SGCG: variants seen among roughly 807,000 people sequenced by gnomAD.
SGCG encodes the protein gamma-sarcoglycan.
Under a neutral mutation model 29.3 loss-of-function variants are expected in SGCG, and 26 were observed. The ratio of observed to expected loss-of-function variants is 0.89; its 90% CI spans 0.65 to 1.23. The LOEUF (loss-of-function observed/expected upper bound fraction) is 1.23, where lower values mean the gene tolerates loss of function less well. Ranked by LOEUF, SGCG falls within the 50% of genes most tolerant of loss-of-function variation. The pLI, the probability that SGCG is intolerant of heterozygous loss-of-function variation, is 0.00. For synonymous variants in SGCG, 145 were observed against 129.7 expected (o/e 1.12, Z -0.80); for missense variants, 353 against 356.0 (o/e 0.99, Z 0.07).
intron 1 of SGCG, among the ~76,000 whole-genome samples, chr13:23,200,517 T>A (rs1877700838): frequency 1.3e-5 from 2 of 152,228 alleles, no homozygotes; most frequent in African/African-American, 2.4e-5. Flanking sequence ...ACATACTACA[T>A]GCTGGCTGCT....
At chr13:23,179,788 A>T (rs1187583074), upstream of SGCG, among the ~76,000 whole-genome samples, 2 of 152,230 alleles carry the variant, frequency 1.3e-5, no homozygotes, top group Non-Finnish European at 2.9e-5. Context: ...GGTAGAGTAT[A>T]AATAAGCAGA....
intron 2 of SGCG, among the ~76,000 whole-genome samples, chr13:23,229,105 G>C (rs1376450160): frequency 1.3e-5 from 2 of 152,132 alleles, no homozygotes; most frequent in Non-Finnish European, 2.9e-5. Context: ...CCTAACCTCA[G>C]ATGATCCACC....
At chr13:23,234,770 C>A in intron 3 of SGCG, 58 bp downstream of exon 3, 3 of 1,167,390 alleles carry the variant, frequency 2.6e-6, no homozygotes, top group Non-Finnish European at 3.9e-6. Context: ...CATGTTTAAG[C>A]ACAAAAATTC....
chr13:23,307,117 A>G (rs1882388334), intron 6 of SGCG, among the ~76,000 whole-genome samples: 1 of 152,242 alleles, frequency 6.6e-6, no homozygotes, highest in South Asian at 2.1e-4. Flanking sequence ...TTAACAAGTA[A>G]GATGCAAAAT....
chr13:23,169,331 A>G, the SGCG span, among the ~76,000 whole-genome samples: 5 of 150,788 alleles, frequency 3.3e-5, no homozygotes, highest in Non-Finnish European at 5.9e-5. Context: ...TTCTGGTTGC[A>G]TTCTCCCTCA....
intron 1 of SGCG, among the ~76,000 whole-genome samples, chr13:23,201,180 C>T (rs1877738955): frequency 1.3e-5 from 2 of 152,102 alleles, no homozygotes; most frequent in Admixed American, 6.5e-5. Context: ...GACCTAAGAG[C>T]TGGCCTCATA....
At chr13:23,319,899 T>G (rs562611642) in intron 6 of SGCG, among the ~76,000 whole-genome samples, 3 of 152,336 alleles carry the variant, frequency 2.0e-5, no homozygotes, top group African/African-American at 7.2e-5. Flanking sequence ...TTTGGTTCTC[T>G]TTCTATATTT....
At chr13:23,322,724 A>G (rs557972079) in intron 7 of SGCG, among the ~76,000 whole-genome samples, 9 of 138,240 alleles carry the variant, frequency 6.5e-5, no homozygotes, top group African/African-American at 2.5e-4. Flanking sequence ...CCCAGGCCCT[A>G]TCATCGCACC....
chr13:23,203,717 C>T lies in SGCG; in HGVS notation c.23C>T (p.Thr8Ile). MVREQYT[T>I]ATEGICIERP... The stretch of plus-strand genomic sequence containing the variant: ...CAGATGGTGCGTGAGCAGTACACTA[C>T]AGCCACAGAAGGCATCTGCATAGAG... The change falls in exon 2 of 8, where the codon ACA becomes ATA. Residue 8 changes from threonine (T) to isoleucine (I), a missense_variant. Transcript: ENST00000218867. The T allele has an allele frequency of 1.2e-6, 2 of 1,613,564 alleles. No individual in the cohort carries two copies. The highest frequency in any genetic ancestry group is 1.1e-5 in the South Asian group (1 of 91,028).
At chr13:23,242,054 AG>A (rs1235604173) in intron 3 of SGCG, among the ~76,000 whole-genome samples, 1 of 152,222 alleles carries the variant, frequency 6.6e-6, no homozygotes, top group Non-Finnish European at 1.5e-5. Flanking sequence ...TTAAAAAGAG[AG>A]GGCACAAATT....
chr13:23,318,188 G>A (rs571670784), intron 6 of SGCG, among the ~76,000 whole-genome samples: 3 of 151,350 alleles, frequency 2.0e-5, no homozygotes, highest in South Asian at 4.2e-4. Flanking sequence ...CTTCCTACTA[G>A]TTATGTCCTA....
At chr13:23,178,588 T>C (rs530351783), upstream of SGCG, among the ~76,000 whole-genome samples, 2 of 152,310 alleles carry the variant, frequency 1.3e-5, no homozygotes, top group African/African-American at 2.4e-5. Context: ...ATAACTTCAT[T>C]TGGGCCTTGG....
intron 4 of SGCG, among the ~76,000 whole-genome samples, chr13:23,263,522 A>G (rs1452556405): frequency 6.6e-6 from 1 of 152,028 alleles, no homozygotes; most frequent in African/African-American, 2.4e-5. Flanking sequence ...GCTCAGGGCT[A>G]GACAGATTCA....
At chr13:23,320,868 A>G in intron 7 of SGCG, 108 bp downstream of exon 7, 3 of 1,176,822 alleles carry the variant, frequency 2.5e-6, no homozygotes, top group South Asian at 2.5e-5. Flanking sequence ...GTAGGAAAAC[A>G]TTGTGAAGGT....
intron 7 of SGCG, among the ~76,000 whole-genome samples, chr13:23,321,744 AC>A (rs35992525): frequency 0.026 from 4,027 of 152,262 alleles, 101 homozygotes; most frequent in East Asian, 0.11. Flanking sequence ...TATTATCCAG[AC>A]CAAAGTTGAC....
chr13:23,176,127 T>C (rs1876548063), upstream of SGCG, among the ~76,000 whole-genome samples: 1 of 152,194 alleles, frequency 6.6e-6, no homozygotes, highest in East Asian at 1.9e-4. Context: ...AAAACCAAAC[T>C]TTTATTACTG....
At chr13:23,299,227 CCTTG>C (rs1566037184) in intron 6 of SGCG, among the ~76,000 whole-genome samples, 2 of 150,664 alleles carry the variant, frequency 1.3e-5, no homozygotes, top group African/African-American at 4.9e-5. Context: ...CCCAGCGGAT[CCTTG>C]AGAGATTGAT....
chr13:23,286,146 T>C (rs17315901), intron 5 of SGCG, among the ~76,000 whole-genome samples: 12,928 of 152,260 alleles, frequency 0.085, 715 homozygotes, highest in South Asian at 0.14. Flanking sequence ...AGTAAGCACA[T>C]GACCTCAAAT....
intron 5 of SGCG, among the ~76,000 whole-genome samples, chr13:23,286,147 G>A (rs2137628828): frequency 6.6e-6 from 1 of 152,272 alleles, no homozygotes; most frequent in South Asian, 2.1e-4. Context: ...GTAAGCACAT[G>A]ACCTCAAATG....
Sources: allele counts gnomAD v4.1 joint callset (sites outside exome capture counted in the v4.1 genomes callset), GRCh38; gene constraint gnomAD v4.1.1; transcripts MANE v1.5; gene names NCBI Gene and HGNC (gene_info 2026-07-23, HGNC 2026-07-21).